NKAIN2: variants seen among roughly 807,000 people sequenced by gnomAD.
The protein encoded by NKAIN2 is sodium/potassium-transporting ATPase subunit beta-1-interacting protein 2.
In NKAIN2, 14 loss-of-function variants were observed where a neutral mutation model predicts 32.6. The ratio of observed to expected loss-of-function variants is 0.43; its 90% confidence interval spans 0.28 to 0.67. The LOEUF is 0.67. Among genes scored for constraint, NKAIN2 ranks in the 30% least tolerant of loss-of-function variants. NKAIN2 has a pLI of 0.17. For synonymous variants in NKAIN2, 80 were observed against 87.2 expected, an observed-to-expected ratio of 0.92 and a Z score of 0.46; for missense variants, 198 against 258.3, an observed-to-expected ratio of 0.77 and a Z score of 1.60.
At chr6:124,596,335 G>A (rs1782084936) in intron 3 of NKAIN2, among the ~76,000 whole-genome samples, 1 of 152,132 alleles carries the variant, frequency 6.6e-6, no homozygotes, top group Admixed American at 6.5e-5. Context: ...ATCCAGAGTT[G>A]CAGAATTGCA....
At chr6:124,669,226 A>G (rs1772971944) in intron 4 of NKAIN2, among the ~76,000 whole-genome samples, 1 of 152,082 alleles carries the variant, frequency 6.6e-6, no homozygotes, top group Non-Finnish European at 1.5e-5. Flanking sequence ...CATACTGTTC[A>G]ACTGCTTAGA....
chr6:124,523,103 A>ACTGC, intron 3 of NKAIN2, among the ~76,000 whole-genome samples: 1 of 38,472 alleles, frequency 2.6e-5, no homozygotes, highest in African/African-American at 3.8e-5. Flanking sequence ...AGATCGCGCC[A>ACTGC]CAGCACTCCC....
At chr6:124,405,145 T>C (rs925585514) in intron 3 of NKAIN2, among the ~76,000 whole-genome samples, 2 of 152,210 alleles carry the variant, frequency 1.3e-5, no homozygotes, top group Non-Finnish European at 2.9e-5. Flanking sequence ...TTTTCTAACA[T>C]AAAGTATTAA....
chr6:124,033,323 C>T (rs1336397385), intron 1 of NKAIN2, among the ~76,000 whole-genome samples: 10 of 152,044 alleles, frequency 6.6e-5, no homozygotes, highest in East Asian at 1.9e-4. Context: ...TTTTAAATGT[C>T]GGTTAGAAAA....
At position 124,444,061 on chromosome 6, in the gene NKAIN2, G is replaced by A. The variant is rs566660492; in HGVS notation, c.273+88714G>A. Among the ~76,000 whole-genome samples the A allele has an allele frequency of 4.6e-5, 7 of 152,092 alleles. No homozygotes were observed. The East Asian group carries it at 1.4e-3, about 29-fold the overall frequency. Reference sequence around the variant, plus strand: ...ATTTATTTTACTGACTAAGCTGCAAGCTTCATGAAATAAAGGGAGGATTTT... The same window carrying A: ...ATTTATTTTACTGACTAAGCTGCAAACTTCATGAAATAAAGGGAGGATTTT... On this transcript the variant is annotated intron_variant, in intron 3 of 6. Transcript: ENST00000368417.
chr6:124,555,507 A>G (rs1221270933), intron 3 of NKAIN2, among the ~76,000 whole-genome samples: 1 of 152,226 alleles, frequency 6.6e-6, no homozygotes, highest in East Asian at 1.9e-4. Context: ...GATTAAAACA[A>G]TTAGAATATC....
chr6:124,526,919 G>A (rs1336818177), intron 3 of NKAIN2, among the ~76,000 whole-genome samples: 1 of 152,134 alleles, frequency 6.6e-6, no homozygotes, highest in Admixed American at 6.6e-5. Context: ...TCCAGGACCA[G>A]CTTTCTGGTC....
intron 3 of NKAIN2, among the ~76,000 whole-genome samples, chr6:124,626,094 T>TCCCCCCCCC (rs145583253): frequency 1.1e-5 from 1 of 90,590 alleles, no homozygotes; most frequent in Non-Finnish European, 2.1e-5. Context: ...CCCTCCCCAC[T>TCCCCCCCCC]CCCCACACCC....
chr6:124,593,822 G>A (rs1781993864), intron 3 of NKAIN2, among the ~76,000 whole-genome samples: 1 of 152,172 alleles, frequency 6.6e-6, no homozygotes, highest in Admixed American at 6.6e-5. Flanking sequence ...GGGACTTGGG[G>A]AATGTTTAGG....
chr6:124,300,806 T>G (rs1250582940), intron 2 of NKAIN2, among the ~76,000 whole-genome samples: 1 of 152,078 alleles, frequency 6.6e-6, no homozygotes, highest in Non-Finnish European at 1.5e-5. Flanking sequence ...ACTTTTAAAT[T>G]GAAAGAGATG....
intron 4 of NKAIN2, among the ~76,000 whole-genome samples, chr6:124,671,209 T>C (rs1322242782): frequency 6.6e-6 from 1 of 152,106 alleles, no homozygotes; most frequent in Non-Finnish European, 1.5e-5. Context: ...GCTGATTTTC[T>C]CTCTTTTTTA....
chr6:124,219,451 T>A (rs1791685990), intron 1 of NKAIN2, among the ~76,000 whole-genome samples: 1 of 151,848 alleles, frequency 6.6e-6, no homozygotes, highest in African/African-American at 2.4e-5. Flanking sequence ...CTAATTTTTG[T>A]ATTTTTAGTT....
intron 3 of NKAIN2, among the ~76,000 whole-genome samples, chr6:124,448,022 T>C (rs942824255): frequency 2.0e-5 from 3 of 152,120 alleles, no homozygotes; most frequent in African/African-American, 7.2e-5. Context: ...GGATGTATTT[T>C]CAGTTTCCCC....
intron 2 of NKAIN2, among the ~76,000 whole-genome samples, chr6:124,316,496 T>A (rs1796958427): frequency 6.6e-6 from 1 of 152,136 alleles, no homozygotes; most frequent in African/African-American, 2.4e-5. Context: ...ATAATTTGCC[T>A]AGTCACAGTT....
At chr6:123,986,853 G>A (rs541618924) in intron 1 of NKAIN2, among the ~76,000 whole-genome samples, 1 of 152,266 alleles carries the variant, frequency 6.6e-6, no homozygotes, top group Admixed American at 6.5e-5. Flanking sequence ...AACTCAGAAT[G>A]AGAGATCTCA....
chr6:124,308,577 G>A (rs996158558), intron 2 of NKAIN2, among the ~76,000 whole-genome samples: 3 of 152,092 alleles, frequency 2.0e-5, no homozygotes, highest in African/African-American at 7.2e-5. Flanking sequence ...AAAGATTGAA[G>A]TAAAAGATGA....
At chr6:124,549,346 T>G (rs898152421) in intron 3 of NKAIN2, among the ~76,000 whole-genome samples, 2 of 152,106 alleles carry the variant, frequency 1.3e-5, no homozygotes, top group African/African-American at 4.8e-5. Context: ...CCAGCCTGGG[T>G]GACAGAGTGA....
intron 1 of NKAIN2, among the ~76,000 whole-genome samples, chr6:123,896,296 G>A (rs1774276402): frequency 6.6e-6 from 1 of 151,978 alleles, no homozygotes; most frequent in Non-Finnish European, 1.5e-5. Flanking sequence ...TTTTACAACT[G>A]AGAAAAAAAC....
At chr6:124,254,466 G>T (rs1793831715) in intron 1 of NKAIN2, among the ~76,000 whole-genome samples, 1 of 152,136 alleles carries the variant, frequency 6.6e-6, no homozygotes, top group Non-Finnish European at 1.5e-5. Context: ...GAGTGTAATA[G>T]AGCAGTGTAG....
Sources: allele counts gnomAD v4.1 joint callset (sites outside exome capture counted in the v4.1 genomes callset), GRCh38; gene constraint gnomAD v4.1.1; transcripts MANE v1.5; gene names NCBI Gene and HGNC (gene_info 2026-07-23, HGNC 2026-07-21).